BEND2: variants seen among roughly 807,000 people sequenced by gnomAD.
BEND2 encodes the protein BEN domain containing 2, also known as BEN domain-containing protein 2.
BEND2 carries 19 observed loss-of-function variants against 43.8 expected under a neutral mutation model. The ratio of observed to expected loss-of-function variants is 0.43; its 90% confidence interval spans 0.30 to 0.64. BEND2 has a LOEUF of 0.64. Among genes scored for constraint, BEND2 ranks in the 30% least tolerant of loss-of-function variants. The pLI is 0.11. For synonymous variants in BEND2, 226 were observed against 210.1 expected, an observed-to-expected ratio of 1.08 and a Z score of -0.66; for missense variants, 544 against 574.0, an observed-to-expected ratio of 0.95 and a Z score of 0.53.
Position 18,195,282 on chromosome X carries a change from T to C in BEND2, c.1180+14A>G. 8.4e-7 allele frequency: 1 copy of C among 1,194,792 alleles called. No homozygotes were observed. Among genetic ancestry groups the C allele is most frequent in the African/African-American group, 1.8e-5 (1 of 57,022 alleles). ...TGAGAGGCCTGCTTGTGATATCCAT[T>C]ATTTCAAACTCACCAAAATTAGAAG... On this transcript the variant is annotated intron_variant, in intron 7 of 13. Transcript: ENST00000380033.
intron 8 of BEND2, among the ~76,000 whole-genome samples, chrX:18,188,490 C>A (rs1194157503): frequency 8.9e-6 from 1 of 111,775 alleles, no homozygotes. Flanking sequence ...TTAGTGGCTA[C>A]CATGAGTAAC....
chrX:18,208,515 A>T (rs780754662), intron 4 of BEND2, among the ~76,000 whole-genome samples: 2 of 111,016 alleles, frequency 1.8e-5, no homozygotes, highest in South Asian at 7.7e-4. Context: ...ATAAGTAGTC[A>T]ATGTCTTAAT....
At position 18,191,093 on chromosome X, in the gene BEND2, A is replaced by G; in HGVS notation, c.1196T>C (p.Met399Thr). The G allele has an allele frequency of 8.3e-7, 1 of 1,203,307 alleles. No homozygotes were observed. The highest frequency in any genetic ancestry group is 1.1e-6 in the Non-Finnish European group (1 of 890,374). The change falls in exon 8 of 14, where the codon ATG becomes ACG. Residue 399 changes from methionine to threonine, a missense_variant. Coordinates refer to ENST00000380033, the MANE Select transcript of BEND2 (RefSeq NM_153346.5). Reference sequence around the variant, plus strand: ...TGAGTAACTCATTGTCCCATAACTCATTTGTGGGCCAGATTCTGTTTTGAA... The same window carrying G: ...TGAGTAACTCATTGTCCCATAACTCGTTTGTGGGCCAGATTCTGTTTTGAA... The part of the protein sequence containing the change: ...ITSNFESGPQ[M>T]SYGTMSYSTE...
rs5955941 is a variant in BEND2 at position 18,163,179 on chromosome X, A to G, written c.*1830T>C. 3.8e-4 allele frequency: 43 copies of G among 111,958 alleles called. No individual in the cohort carries two copies. Among genetic ancestry groups the G allele is most frequent in the African/African-American group, 1.3e-3 (39 of 30,859 alleles). 9.2% of individuals were successfully genotyped at this position (111,958 alleles called of 1,213,427 possible). On this transcript the variant is annotated 3_prime_UTR_variant, in exon 14 of 14. Coordinates refer to ENST00000380033, the MANE Select transcript of BEND2 (RefSeq NM_153346.5). Reference sequence around the variant, plus strand: ...CAGTCAAATGTGATCCTCCCTCTTGAGCCCAGGAGTTCCAGATAAGCCTGG... The same window carrying G: ...CAGTCAAATGTGATCCTCCCTCTTGGGCCCAGGAGTTCCAGATAAGCCTGG...
At chrX:18,189,652 T>G (rs1056568799) in intron 8 of BEND2, among the ~76,000 whole-genome samples, 33 of 111,754 alleles carry the variant, frequency 3.0e-4, no homozygotes, top group African/African-American at 1.0e-3. Flanking sequence ...ACTCTCAAAA[T>G]GTAAGCATAA....
Position 18,216,553 on chromosome X carries a change from T to A in BEND2, c.206A>T (p.Asp69Val). The A allele has an allele frequency of 1.7e-6, 2 of 1,208,164 alleles. No individual in the cohort carries two copies. Among genetic ancestry groups the A allele is most frequent in the Non-Finnish European group, 2.2e-6 (2 of 892,400 alleles). Reference protein sequence around the residue: ...ATQPNFPGGNDGHHRPLQMSY... With the variant: ...ATQPNFPGGNVGHHRPLQMSY... ...CATTTGGAGTGGACGGTGATGGCCA[T>A]CATTGCCGCCTGGAAAATTTGGTTG... Residue 69 changes from aspartate (D) to valine (V), a missense_variant, in exon 2 of 14, where the codon GAT becomes GTT. By Grantham distance (152) the Asp-to-Val change is radical. This residue lies in a region of BEND2 where 501 missense variants were observed against 501.6 expected (regional missense o/e 1.00). Transcript: ENST00000380033.
intron 8 of BEND2, among the ~76,000 whole-genome samples, chrX:18,184,034 G>A (rs973313132): frequency 1.8e-5 from 2 of 111,491 alleles, no homozygotes; most frequent in Non-Finnish European, 3.8e-5. Context: ...GCCAGGTAGC[G>A]GTTACAGCGA....
intron 3 of BEND2, 39 bp from the exon 4 acceptor site, chrX:18,212,719 C>A (rs1180235235): frequency 6.7e-6 from 6 of 895,411 alleles, no homozygotes; most frequent in Admixed American, 2.3e-5. Context: ...TCATACACTA[C>A]TCTCTTAATA....
chrX:18,176,169 C>T, intron 10 of BEND2, 76 bp from the exon 11 acceptor site: 2 of 980,673 alleles, frequency 2.0e-6, no homozygotes. Context: ...TTTCTTTAAA[C>T]ACTGACTTTT....
At chrX:18,173,942 G>A (rs970643367) in intron 12 of BEND2, 88 bp downstream of exon 12, 10 of 786,482 alleles carry the variant, frequency 1.3e-5, no homozygotes, top group Non-Finnish European at 1.8e-5. Context: ...AGAGAGAATA[G>A]TACAATGAAC....
intron 13 of BEND2, among the ~76,000 whole-genome samples, chrX:18,167,414 T>A (rs1923852146): frequency 8.9e-6 from 1 of 111,892 alleles, no homozygotes; most frequent in Non-Finnish European, 1.9e-5. Context: ...CAGCAAAAAA[T>A]ATATTTATAT....
chrX:18,220,237 A>C lies in BEND2; in HGVS notation c.25+489T>G, dbSNP rs1045431184. On this transcript the variant is annotated intron_variant, in intron 1 of 13. Coordinates refer to ENST00000380033, the MANE Select transcript of BEND2 (RefSeq NM_153346.5). ...ACAGGGCTGTGTTCCGCGGCTGCCCACCAGGGAAAACCAATAAATTCAAGA... is the reference window on the plus strand; with the variant it reads ...ACAGGGCTGTGTTCCGCGGCTGCCCCCCAGGGAAAACCAATAAATTCAAGA... Among the ~76,000 whole-genome samples, 7 of 112,411 alleles carry C rather than the reference A, an allele frequency of 6.2e-5. No individual in the cohort carries two copies. In the East Asian group the frequency reaches 1.7e-3, roughly 27 times the overall value.
chrX:18,220,698 C>T (rs1235898792), intron 1 of BEND2, 28 bp downstream of exon 1: 3 of 1,209,566 alleles, frequency 2.5e-6, no homozygotes, highest in South Asian at 3.5e-5. Context: ...CCCAAGCTAG[C>T]GGGCCAGTTG....
At position 18,164,969 on chromosome X, in the gene BEND2, T is replaced by G; in HGVS notation, c.*40A>C. 1 of 1,152,006 alleles carries G rather than the reference T, an allele frequency of 8.7e-7. No individual in the cohort carries two copies. The highest frequency in any genetic ancestry group is 1.2e-6 in the Non-Finnish European group (1 of 861,439). 94.9% of individuals were successfully genotyped at this position (1,152,006 alleles called of 1,213,427 possible). On this transcript the variant is annotated 3_prime_UTR_variant, in exon 14 of 14. Coordinates refer to ENST00000380033, the MANE Select transcript of BEND2 (RefSeq NM_153346.5). ...AACTTGAGAAACTTACAAAATAGTCTTAACAGTTAAAAAAAAAAAAAAAGT... is the reference window on the plus strand; with the variant it reads ...AACTTGAGAAACTTACAAAATAGTCGTAACAGTTAAAAAAAAAAAAAAAGT...
chrX:18,186,889 C>T (rs1421323614), intron 8 of BEND2, among the ~76,000 whole-genome samples: 1 of 107,832 alleles, frequency 9.3e-6, no homozygotes, highest in African/African-American at 3.4e-5. Flanking sequence ...ATCGCTTGAG[C>T]CTGGGAAGTC....
chrX:18,175,397 C>T (rs148780684), intron 11 of BEND2, among the ~76,000 whole-genome samples: 21 of 111,953 alleles, frequency 1.9e-4, no homozygotes, highest in African/African-American at 5.2e-4. Flanking sequence ...CCTAATGGCC[C>T]GGTTGTGGTA....
chrX:18,189,489 T>A (rs1924686761), intron 8 of BEND2, among the ~76,000 whole-genome samples: 1 of 111,251 alleles, frequency 9.0e-6, no homozygotes, highest in African/African-American at 3.3e-5. Flanking sequence ...ACAGTCTGGG[T>A]GACAGAGACT....
intron 4 of BEND2, among the ~76,000 whole-genome samples, chrX:18,211,882 C>T (rs1925514480): frequency 9.1e-6 from 1 of 110,010 alleles, no homozygotes; most frequent in Admixed American, 9.8e-5. Flanking sequence ...TGAAACAAAT[C>T]TCCAAAACAT....
chrX:18,217,300 C>T (rs1448270760), intron 1 of BEND2, among the ~76,000 whole-genome samples: 1 of 112,581 alleles, frequency 8.9e-6, no homozygotes, highest in Non-Finnish European at 1.9e-5. Context: ...TATGAAAACA[C>T]ATTATGCAAA....
Sources: allele counts gnomAD v4.1 joint callset (sites outside exome capture counted in the v4.1 genomes callset), GRCh38; gene constraint gnomAD v4.1.1; regional missense constraint gnomAD v4.1.1; transcripts MANE v1.5; gene names NCBI Gene and HGNC (gene_info 2026-07-23, HGNC 2026-07-21).